Variants in IRAG2 observed in about 807,000 individuals in gnomAD.
The protein encoded by IRAG2 is inositol 1,4,5-triphosphate receptor associated 2, also known as lymphoid restricted membrane protein.
IRAG2 carries 45 observed loss-of-function variants against 69.9 expected under a neutral mutation model. The observed-to-expected ratio is 0.64, with a 90% CI of 0.51 to 0.83. The LOEUF is 0.83. IRAG2 is among the 40% of genes least tolerant of loss of function. The pLI is 0.00. For synonymous variants in IRAG2, 193 were observed against 202.4 expected (o/e 0.95, Z 0.40); for missense variants, 520 against 587.0 (o/e 0.89, Z 1.18).
At chr12:25,005,420 T>A in intron 2 of IRAG2, 1 of 635,756 alleles carries the variant, frequency 1.6e-6, no homozygotes, top group Non-Finnish European at 2.3e-6. Context: ...CTTTCTATTG[T>A]GAGAGAAAGG....
intron 20 of IRAG2, among the ~76,000 whole-genome samples, chr12:25,104,740 G>A (rs1948938677): frequency 6.6e-6 from 1 of 152,100 alleles, no homozygotes. Context: ...CTGTCCAGGT[G>A]TCTGTCTACA....
upstream of IRAG2, among the ~76,000 whole-genome samples, chr12:25,047,845 G>A (rs1479696580): frequency 1.3e-5 from 2 of 151,992 alleles, no homozygotes; most frequent in South Asian, 2.1e-4. Context: ...TCACATTTTC[G>A]TTATCCAGTC....
At chr12:25,054,867 A>T (rs918116399) in intron 1 of IRAG2, among the ~76,000 whole-genome samples, 2 of 152,210 alleles carry the variant, frequency 1.3e-5, no homozygotes, top group East Asian at 1.9e-4. Flanking sequence ...AAAATGTTCT[A>T]TATAGCAGAT....
intron 15 of IRAG2, among the ~76,000 whole-genome samples, chr12:25,098,117 C>T (rs1466382092): frequency 6.6e-6 from 1 of 152,208 alleles, no homozygotes; most frequent in Non-Finnish European, 1.5e-5. Context: ...CCCCTCATCA[C>T]TTACCCCTTT....
chr12:25,075,048 A>G (rs970250897), intron 6 of IRAG2, among the ~76,000 whole-genome samples: 1 of 152,192 alleles, frequency 6.6e-6, no homozygotes, highest in Non-Finnish European at 1.5e-5. Context: ...AATGAACCTG[A>G]AAGTGGTGGG....
Position 25,108,319 on chromosome 12 carries a change from A to AATC in IRAG2, c.*262_*264dup. The AATC allele has an allele frequency of 3.7e-6, 2 of 538,822 alleles. No individual in the cohort carries two copies. The highest frequency in any genetic ancestry group is 1.9e-5 in the African/African-American group (1 of 52,564). The allele number at this position is 538,822 out of a possible 1,614,324, so 33.4% of individuals were successfully genotyped here. The stretch of plus-strand genomic sequence containing the variant: ...TTTGTTAAAGTTTATTGAAATAAAG[A>AATC]ATCATTTAAATCTTCATAGAGTGAA... On this transcript the variant is annotated 3_prime_UTR_variant, in exon 22 of 22. Transcript: ENST00000556887.
At chr12:25,106,176 C>T (rs1371110547) in intron 20 of IRAG2, among the ~76,000 whole-genome samples, 4 of 151,474 alleles carry the variant, frequency 2.6e-5, no homozygotes. Context: ...GGAAATCATA[C>T]AGAGAAAGGA....
upstream of IRAG2, among the ~76,000 whole-genome samples, chr12:25,002,738 T>C (rs1428354073): frequency 6.6e-6 from 1 of 151,946 alleles, no homozygotes; most frequent in Non-Finnish European, 1.5e-5. Context: ...GCCTCCAATG[T>C]TGAAGCGATT....
At chr12:25,063,048 C>T (rs982339858) in intron 3 of IRAG2, 148 bp downstream of exon 3, 3 of 392,054 alleles carry the variant, frequency 7.7e-6, no homozygotes, top group Admixed American at 4.4e-5. Flanking sequence ...GCAACAGATA[C>T]GTGTTTTTGT....
chr12:25,097,967 C>T (rs1013937401), intron 15 of IRAG2, among the ~76,000 whole-genome samples: 5 of 152,190 alleles, frequency 3.3e-5, no homozygotes, highest in African/African-American at 9.7e-5. Context: ...TCTTCCACTA[C>T]GAAGACAAAT....
intron 15 of IRAG2, chr12:25,097,602 A>G (rs912458415): frequency 3.9e-5 from 6 of 152,192 alleles, no homozygotes; most frequent in African/African-American, 1.4e-4. Context: ...GGAGATATGA[A>G]TTTTTTAAAT....
chr12:25,008,792 G>C (rs1304866418), intron 2 of IRAG2, among the ~76,000 whole-genome samples: 1 of 151,980 alleles, frequency 6.6e-6, no homozygotes, highest in Non-Finnish European at 1.5e-5. Flanking sequence ...AGTGTAAGGT[G>C]TTTTCTTGGT....
chr12:25,006,879 AT>A (rs1047098824), intron 2 of IRAG2, among the ~76,000 whole-genome samples: 12 of 152,142 alleles, frequency 7.9e-5, no homozygotes, highest in African/African-American at 2.9e-4. Context: ...AGAAAAAAAA[AT>A]TCCACAAGTA....
chr12:25,017,438 C>T (rs11836239), intron 6 of IRAG2: 218,460 of 787,104 alleles, frequency 0.28, 33,820 homozygotes, highest in Non-Finnish European at 0.31. Context: ...TATTCTCTGG[C>T]TGGGCATGGT....
chr12:25,107,199 C>T, intron 21 of IRAG2, 149 bp downstream of exon 21: 1 of 438,206 alleles, frequency 2.3e-6, no homozygotes, highest in Non-Finnish European at 4.2e-6. Flanking sequence ...GTCAGGTTAT[C>T]CTTGAACCTA....
chr12:25,101,144 T>G, intron 15 of IRAG2, 34 bp from the exon 16 acceptor site: 1 of 1,567,370 alleles, frequency 6.4e-7, no homozygotes, highest in Non-Finnish European at 8.7e-7. Context: ...AGTAGTATTT[T>G]CAATGTAAAT....
intron 11 of IRAG2, chr12:25,032,281 G>T: frequency 7.5e-6 from 3 of 399,046 alleles, no homozygotes; most frequent in Non-Finnish European, 8.8e-6. Context: ...AACATGTACA[G>T]CCTAATGTTG....
At chr12:25,050,004 A>C (rs1235039867), upstream of IRAG2, among the ~76,000 whole-genome samples, 1 of 141,546 alleles carries the variant, frequency 7.1e-6, no homozygotes, top group African/African-American at 2.6e-5. Context: ...AAAAAAAAAA[A>C]AAAAGCTACT....
intron 15 of IRAG2, among the ~76,000 whole-genome samples, chr12:25,100,601 G>A (rs1225077110): frequency 1.3e-5 from 2 of 152,192 alleles, no homozygotes; most frequent in Non-Finnish European, 1.5e-5. Context: ...GAGGCTGGAA[G>A]GAGGAATAAG....
Sources: allele counts gnomAD v4.1 joint callset (sites outside exome capture counted in the v4.1 genomes callset), GRCh38; gene constraint gnomAD v4.1.1; transcripts MANE v1.5; gene names NCBI Gene and HGNC (gene_info 2026-07-23, HGNC 2026-07-21).